The following CES5A variants were observed in gnomAD, a reference collection of about 807,000 sequenced individuals.
CES5A encodes carboxylesterase 5.
Under a neutral mutation model 62.9 loss-of-function variants are expected in CES5A, and 67 were observed. That is an observed-to-expected ratio of 1.07 (90% CI 0.88 to 1.31). The LOEUF (loss-of-function observed/expected upper bound fraction) is 1.31, where lower values mean the gene tolerates loss of function less well. Among genes scored for constraint, CES5A ranks in the 50% most tolerant of loss-of-function variants. The pLI is 0.00. For synonymous variants in CES5A, 296 were observed against 280.8 expected (o/e 1.05, Z -0.54); for missense variants, 748 against 708.5 (o/e 1.06, Z -0.63).
At position 55,863,430 on chromosome 16, in the gene CES5A, C is replaced by G. The variant is rs202058031; in HGVS notation, c.728G>C (p.Gly243Ala). Residue 243 changes from glycine (G) to alanine (A), a missense_variant, in exon 6 of 13, where the codon GGC becomes GCC. By Grantham distance (60) the Gly-to-Ala change is moderately conservative (BLOSUM62 0). Transcript: ENST00000290567. The part of the protein sequence containing the change: ...SSLILSPMAK[G>A]LFHKAIMESG... ...CTCCATGATGGCTTTGTGGAATAAG[C>G]CTTTGGCCATGGGAGACAGTATCTG... is the stretch of plus-strand genomic sequence containing the variant. 6.2e-7 allele frequency: 1 copy of G among 1,603,466 alleles called. No individual in the cohort carries two copies. Among genetic ancestry groups the G allele is most frequent in the Admixed American group, 1.7e-5 (1 of 59,984 alleles).
At chr16:55,944,370 G>T (rs183266682) in intron 2 of CES5A, 18 of 403,104 alleles carry the variant, frequency 4.5e-5, no homozygotes, top group Non-Finnish European at 7.7e-5. Context: ...ACCATTGGGG[G>T]CTCTCATTTT....
chr16:55,951,103 CAAAAAAAAAAAAAAA>C (rs55951124), intron 1 of CES5A, among the ~76,000 whole-genome samples: 1 of 44,360 alleles, frequency 2.3e-5, no homozygotes, highest in African/African-American at 1.2e-4. Context: ...GACTCCATCT[CAAAAAAAAAAAAAAA>C]AAAAAAAAAA....
intron 1 of CES5A, among the ~76,000 whole-genome samples, chr16:55,920,734 C>T (rs1208701285): frequency 6.6e-6 from 1 of 152,146 alleles, no homozygotes; most frequent in African/African-American, 2.4e-5. Flanking sequence ...GAAGCAACTG[C>T]AAACAGGGAA....
chr16:55,848,289 A>G (rs1292107151), intron 11 of CES5A, among the ~76,000 whole-genome samples: 1 of 151,256 alleles, frequency 6.6e-6, no homozygotes, highest in Non-Finnish European at 1.5e-5. Context: ...TGTTATTATT[A>G]TTATTATTTT....
intron 1 of CES5A, among the ~76,000 whole-genome samples, chr16:55,893,221 G>A (rs1001717757): frequency 2.0e-5 from 3 of 152,034 alleles, no homozygotes; most frequent in Admixed American, 6.6e-5. Flanking sequence ...GAAACCAGAG[G>A]TCAATCATAA....
intron 5 of CES5A, 120 bp from the exon 6 acceptor site, chr16:55,863,572 A>T: frequency 1.5e-6 from 1 of 648,814 alleles, no homozygotes; most frequent in Non-Finnish European, 2.8e-6. Context: ...CTTAGAGGGG[A>T]AAAAAGCCCT....
intron 1 of CES5A, among the ~76,000 whole-genome samples, chr16:55,894,869 A>AC (rs150800789): frequency 0.013 from 1,974 of 152,290 alleles, 49 homozygotes; most frequent in African/African-American, 0.045. Context: ...CCAGTGGAAA[A>AC]AAGAGTCCCT....
intron 7 of CES5A, among the ~76,000 whole-genome samples, chr16:55,860,133 A>G (rs2033324403): frequency 1.3e-5 from 2 of 151,920 alleles, no homozygotes; most frequent in South Asian, 4.2e-4. Flanking sequence ...GGTTTTATAA[A>G]GGGGAGCTCC....
chr16:55,846,360 A>T lies in CES5A; in HGVS notation c.*91T>A, dbSNP rs1366688104. On this transcript the variant is annotated 3_prime_UTR_variant, in exon 13 of 13. Coordinates refer to ENST00000290567, the MANE Select transcript of CES5A (RefSeq NM_001143685.2). ...AGCAGCTTGTTTTGCAAGGATCCCC[A>T]TAGAAAGCAGCTGAGCTCAGAAAGA... 6.2e-6 allele frequency: 6 copies of T among 972,766 alleles called. No individual in the cohort carries two copies. The highest frequency in any genetic ancestry group is 9.5e-6 in the Non-Finnish European group (6 of 630,114). 60.3% of individuals were successfully genotyped at this position (972,766 alleles called of 1,614,324 possible).
upstream of CES5A, among the ~76,000 whole-genome samples, chr16:55,877,636 A>G (rs559518102): frequency 1.3e-5 from 2 of 152,218 alleles, no homozygotes; most frequent in African/African-American, 4.8e-5. Context: ...CACAGGACCT[A>G]CTCTGTGAGG....
intron 1 of CES5A, among the ~76,000 whole-genome samples, chr16:55,898,431 T>C (rs188376533): frequency 7.9e-5 from 12 of 152,324 alleles, no homozygotes; most frequent in Admixed American, 2.6e-4. Context: ...GAAAAAAAGC[T>C]AGTTCTGCTT....
At chr16:55,890,534 C>T (rs904128935) in intron 1 of CES5A, among the ~76,000 whole-genome samples, 2 of 151,588 alleles carry the variant, frequency 1.3e-5, no homozygotes, top group Non-Finnish European at 2.9e-5. Context: ...ATGAGACCTG[C>T]ATAACCTTGA....
intron 1 of CES5A, among the ~76,000 whole-genome samples, chr16:55,896,403 T>C (rs1316589511): frequency 6.6e-6 from 1 of 152,204 alleles, no homozygotes; most frequent in African/African-American, 2.4e-5. Flanking sequence ...CTTCTCTTTG[T>C]ACATGCCTGC....
intron 1 of CES5A, among the ~76,000 whole-genome samples, chr16:55,951,058 C>T (rs553625134): frequency 1.7e-4 from 23 of 133,282 alleles, no homozygotes; most frequent in Admixed American, 3.4e-4. Context: ...GCCAGGATTG[C>T]GCCACAAACT....
chr16:55,955,944 G>C (rs1455668494), exon 1 of CES5A: 1 of 1,504,032 alleles, frequency 6.6e-7, no homozygotes, highest in African/African-American at 1.4e-5. Context: ...TTGACACAGA[G>C]CCCCAGTCCT....
intron 5 of CES5A, 119 bp from the exon 6 acceptor site, chr16:55,863,571 G>GA (rs2033397776): frequency 4.6e-6 from 3 of 651,584 alleles, no homozygotes; most frequent in African/African-American, 1.8e-5. Flanking sequence ...GCTTAGAGGG[G>GA]AAAAAAGCCC....
chr16:55,887,856 T>C (rs1189720145), intron 1 of CES5A, among the ~76,000 whole-genome samples: 1 of 152,128 alleles, frequency 6.6e-6, no homozygotes, highest in Admixed American at 6.5e-5. Context: ...ATGGGCAGAA[T>C]CAGCAAGAAA....
intron 1 of CES5A, among the ~76,000 whole-genome samples, chr16:55,887,885 G>A (rs3848304): frequency 0.76 from 115,245 of 151,636 alleles, 43,821 homozygotes; most frequent in African/African-American, 0.8. Context: ...CTCCAGGGAA[G>A]CAAAGGCTTG....
chr16:55,869,226 G>C (rs1405344372), intron 4 of CES5A, among the ~76,000 whole-genome samples: 4 of 152,136 alleles, frequency 2.6e-5, no homozygotes, highest in Non-Finnish European at 5.9e-5. Flanking sequence ...CCACCTGCAG[G>C]CTGGGCCAGG....
Sources: allele counts gnomAD v4.1 joint callset (sites outside exome capture counted in the v4.1 genomes callset), GRCh38; gene constraint gnomAD v4.1.1; transcripts MANE v1.5; gene names NCBI Gene and HGNC (gene_info 2026-07-23, HGNC 2026-07-21).